SLC35F3: variants seen among roughly 807,000 people sequenced by gnomAD.
The protein encoded by SLC35F3 is putative thiamine transporter SLC35F3.
SLC35F3 carries 25 observed loss-of-function variants against 49.9 expected under a neutral mutation model. The observed-to-expected ratio is 0.50, with a 90% CI of 0.37 to 0.70. The LOEUF is 0.70. SLC35F3 is among the 30% of genes least tolerant of loss of function. The pLI is 0.00. For synonymous variants in SLC35F3, 275 were observed against 265.4 expected, an observed-to-expected ratio of 1.04 and a Z score of -0.35; for missense variants, 525 against 639.8, an observed-to-expected ratio of 0.82 and a Z score of 1.94.
chr1:233,919,451 G>C (rs993020624), intron 2 of SLC35F3, among the ~76,000 whole-genome samples: 20 of 152,114 alleles, frequency 1.3e-4, no homozygotes, highest in African/African-American at 4.3e-4. Context: ...GAATTCTTTT[G>C]ATAAAGGAAA....
At chr1:234,079,170 T>C (rs370202061) in intron 2 of SLC35F3, among the ~76,000 whole-genome samples, 7 of 152,306 alleles carry the variant, frequency 4.6e-5, no homozygotes, top group East Asian at 1.9e-4. Context: ...AAGAAACCCA[T>C]ATATAAATAA....
At chr1:234,287,816 C>A (rs570840341) in intron 3 of SLC35F3, among the ~76,000 whole-genome samples, 22 of 152,314 alleles carry the variant, frequency 1.4e-4, no homozygotes, top group African/African-American at 5.1e-4. Flanking sequence ...TGTCTGTAAG[C>A]TTAATTTTCC....
At chr1:233,990,777 T>C (rs944128827) in intron 2 of SLC35F3, among the ~76,000 whole-genome samples, 1 of 152,138 alleles carries the variant, frequency 6.6e-6, no homozygotes, top group East Asian at 1.9e-4. Context: ...TCCGTAAAGC[T>C]GAAAAAATAC....
At chr1:234,141,032 A>T (rs2102903443) in intron 2 of SLC35F3, among the ~76,000 whole-genome samples, 1 of 152,324 alleles carries the variant, frequency 6.6e-6, no homozygotes, top group East Asian at 1.9e-4. Flanking sequence ...TCCACAGGGT[A>T]TCAATCTAAT....
At chr1:234,238,070 TTGA>T (rs1464079714) in intron 3 of SLC35F3, among the ~76,000 whole-genome samples, 2 of 152,138 alleles carry the variant, frequency 1.3e-5, no homozygotes, top group Non-Finnish European at 2.9e-5. Context: ...ACTCTTACAG[TTGA>T]TGTTTTTGTT....
At chr1:234,281,518 C>T (rs778571900) in intron 3 of SLC35F3, among the ~76,000 whole-genome samples, 3 of 152,176 alleles carry the variant, frequency 2.0e-5, no homozygotes, top group Non-Finnish European at 2.9e-5. Context: ...CCATTATGAG[C>T]ACTTTTTCAT....
At chr1:233,924,170 C>T (rs893494399) in intron 2 of SLC35F3, among the ~76,000 whole-genome samples, 4 of 152,124 alleles carry the variant, frequency 2.6e-5, no homozygotes, top group East Asian at 1.9e-4. Flanking sequence ...AAATGATTTA[C>T]GGAAAATTCC....
At chr1:234,123,576 A>ATTTTTT (rs71170464) in intron 2 of SLC35F3, among the ~76,000 whole-genome samples, 98 of 146,692 alleles carry the variant, frequency 6.7e-4, no homozygotes, top group South Asian at 6.4e-3. Flanking sequence ...TGCCTGGTTA[A>ATTTTTT]TTTTTTTTTT....
intron 2 of SLC35F3, among the ~76,000 whole-genome samples, chr1:234,211,353 C>G (rs962664169): frequency 4.6e-5 from 7 of 152,210 alleles, no homozygotes; most frequent in African/African-American, 1.7e-4. Context: ...CCACTGTCCT[C>G]CAGACCCCAG....
In SLC35F3 at chr1:234,323,497, C is replaced by T; in HGVS notation, c.*254C>T. 3.9e-6 allele frequency: 2 copies of T among 509,850 alleles called. No homozygotes were observed. Among genetic ancestry groups the T allele is most frequent in the South Asian group, 2.5e-5 (1 of 40,132 alleles). 31.6% of individuals were successfully genotyped at this position (509,850 alleles called of 1,614,324 possible). On this transcript the variant is annotated 3_prime_UTR_variant, in exon 8 of 8. Transcript: ENST00000366618. This position sits in a 1 kb window ranked among gnomAD's most constrained non-coding sequence, Gnocchi z 4.5. ...CGAATGTAAAGTGGGTTTAAAAGTT[C>T]CCTGCGTAGATCGTTTTGGATGGCT...
At chr1:234,295,291 A>G (rs1668574324) in intron 3 of SLC35F3, among the ~76,000 whole-genome samples, 1 of 152,236 alleles carries the variant, frequency 6.6e-6, no homozygotes, top group South Asian at 2.1e-4. Context: ...AAACTATCCC[A>G]TTACACGTTC....
chr1:234,022,784 T>C (rs1223291962), intron 2 of SLC35F3, among the ~76,000 whole-genome samples: 4 of 152,200 alleles, frequency 2.6e-5, no homozygotes, highest in Admixed American at 1.3e-4. Flanking sequence ...TTCCACTGTA[T>C]TGAGCCTTGC....
chr1:234,124,490 C>T (rs947318193), intron 2 of SLC35F3, among the ~76,000 whole-genome samples: 1 of 152,150 alleles, frequency 6.6e-6, no homozygotes, highest in African/African-American at 2.4e-5. Flanking sequence ...AAATTATTAT[C>T]ATTTAGCACC....
chr1:234,160,727 T>G (rs1666211993), intron 2 of SLC35F3, among the ~76,000 whole-genome samples: 1 of 152,088 alleles, frequency 6.6e-6, no homozygotes, highest in Non-Finnish European at 1.5e-5. Flanking sequence ...CCCAAATGAT[T>G]GACTAGCCAA....
intron 2 of SLC35F3, among the ~76,000 whole-genome samples, chr1:234,223,200 C>T (rs1667235546): frequency 6.6e-6 from 1 of 152,130 alleles, no homozygotes; most frequent in Admixed American, 6.5e-5. Context: ...TTATTCAGAC[C>T]TTTGAGAGTT....
rs766786729 is a variant in SLC35F3, at chr1:234,231,448, G to A, written c.315G>A (p.Pro105=). ...AGCGCCCCCGGGACTCCCCGGGCCCGGCGGAGGCCCAGGCACCGGCCGGGG... is the reference window on the plus strand; with the variant it reads ...AGCGCCCCCGGGACTCCCCGGGCCCAGCGGAGGCCCAGGCACCGGCCGGGG... ...REERPRDSPG[P]AEAQAPAGVE... Residue 105 remains proline, a synonymous_variant, in exon 3 of 8, where the codon CCG becomes CCA. Transcript: ENST00000366618. The surrounding 1 kb of genome is among the most constrained non-coding windows in gnomAD (Gnocchi z 5.4). The A allele has an allele frequency of 8.7e-6, 14 of 1,604,726 alleles. No homozygotes were observed. The highest frequency in any genetic ancestry group is 2.2e-5 in the East Asian group (1 of 44,678).
chr1:234,082,370 G>T (rs1664890923), intron 2 of SLC35F3, among the ~76,000 whole-genome samples: 1 of 152,152 alleles, frequency 6.6e-6, no homozygotes, highest in South Asian at 2.1e-4. Flanking sequence ...TTCGCTGCCT[G>T]CCTGAAGCTA....
intron 5 of SLC35F3, 77 bp from the exon 6 acceptor site, chr1:234,318,674 G>A: frequency 1.5e-6 from 2 of 1,321,786 alleles, no homozygotes; most frequent in Non-Finnish European, 2.1e-6. Flanking sequence ...GCGTTGTGGA[G>A]TGAACTCTGC....
chr1:233,976,202 C>CTA (rs1438670723), intron 2 of SLC35F3, among the ~76,000 whole-genome samples: 2 of 152,128 alleles, frequency 1.3e-5, no homozygotes, highest in Non-Finnish European at 2.9e-5. Context: ...CATAAAGATA[C>CTA]TATAGTCTCC....
Sources: gnomAD v4.1 joint callset for allele counts (sites outside exome capture counted in the v4.1 genomes callset) on GRCh38, gnomAD v4.1.1 for gene constraint, Gnocchi (gnomAD v3.1) non-coding constraint, MANE v1.5 for transcripts, NCBI Gene and HGNC (gene_info 2026-07-23, HGNC 2026-07-21) for gene names.